Variants in RANBP1 observed in about 807,000 individuals in gnomAD.
RANBP1 encodes the protein ran-specific GTPase-activating protein.
RANBP1 carries 16 observed loss-of-function variants against 31.4 expected under a neutral mutation model. The ratio of observed to expected loss-of-function variants is 0.51; its 90% confidence interval spans 0.34 to 0.77. RANBP1 has a LOEUF of 0.77. Ranked by LOEUF, RANBP1 falls within the 30% of genes least tolerant of loss-of-function variation. The pLI, the probability that RANBP1 is intolerant of heterozygous loss-of-function variation, is 0.01. For missense variants in RANBP1, 265 were observed against 362.0 expected, an observed-to-expected ratio of 0.73 and a Z score of 2.17; for synonymous variants, 129 against 140.5, an observed-to-expected ratio of 0.92 and a Z score of 0.58.
chr22:20,116,254 AC>A lies in RANBP1; in HGVS notation c.71del (p.Thr24SerfsTer42), dbSNP rs1277695045. 1.9e-6 allele frequency: 3 copies of A among 1,612,780 alleles called. No homozygotes were observed. In the African/African-American group the frequency reaches 4.0e-5, roughly 22 times the overall value. ...GRPFQRAPCKTRRALSLSAAL... is the reference protein window; with the variant it reads ...GRPFQRAPCKXRRALSLSAAL... ...GCCTTTCCAGAGGGCACCATGCAAA[AC>A]GCGCAGGGCCTTGTCCCTCTCTGCA... On this transcript the variant is annotated frameshift_variant, in exon 1 of 6. Coordinates refer to ENST00000430524, the MANE Select transcript of RANBP1 (RefSeq NM_001278639.2). LOFTEE classifies it high-confidence loss of function.
rs540044660 is a variant in RANBP1 at position 20,117,440 on chromosome 22, A to T, written c.246+1010A>T. 78 of 1,187,984 alleles carry T rather than the reference A, an allele frequency of 6.6e-5. 2 individuals are homozygous for T. In the South Asian group the frequency reaches 1.5e-3, roughly 23 times the overall value. The allele number at this position is 1,187,984 out of a possible 1,614,324, so 73.6% of individuals were successfully genotyped here. ...GGACAATGAGAGTGTCCGCCTCCTG[A>T]GCCAATAAAGCTGTACTGGTTTTGA... On this transcript the variant is annotated intron_variant, in intron 1 of 5. Coordinates refer to ENST00000430524, the MANE Select transcript of RANBP1 (RefSeq NM_001278639.2).
intron 3 of RANBP1, 128 bp from the exon 4 acceptor site, chr22:20,125,180 C>A: frequency 9.4e-7 from 1 of 1,062,388 alleles, no homozygotes; most frequent in Non-Finnish European, 1.4e-6. Flanking sequence ...GTTCTCCAAC[C>A]CCAGACTGTC....
At chr22:20,122,586 C>G (rs2050196434) in intron 3 of RANBP1, 165 bp downstream of exon 3, 1 of 1,538,826 alleles carries the variant, frequency 6.5e-7, no homozygotes, top group African/African-American at 1.4e-5. Flanking sequence ...TCAGACGTGC[C>G]TCTGAACTCA....
At chr22:20,118,217 G>C (rs1357216795) in intron 1 of RANBP1, 1 of 1,002,402 alleles carries the variant, frequency 1.0e-6, no homozygotes, top group Non-Finnish European at 1.2e-6. Flanking sequence ...CAGTGCTGTG[G>C]GGAACAGTGA....
intron 1 of RANBP1, chr22:20,117,930 C>G: frequency 2.0e-6 from 2 of 1,011,078 alleles, no homozygotes; most frequent in Non-Finnish European, 2.4e-6. Context: ...GGGGAGCGGC[C>G]GTCGCCACGC....
At chr22:20,118,767 G>A (rs2050109585) in intron 1 of RANBP1, among the ~76,000 whole-genome samples, 1 of 152,218 alleles carries the variant, frequency 6.6e-6, no homozygotes, top group Admixed American at 6.5e-5. Context: ...TCTGATTGAT[G>A]TCTGTGAATC....
chr22:20,124,934 C>A, intron 3 of RANBP1: 1 of 305,328 alleles, frequency 3.3e-6, no homozygotes, highest in Non-Finnish European at 6.2e-6. Context: ...TGAGTGCAGC[C>A]CTGGGATACA....
At chr22:20,118,899 C>T in intron 1 of RANBP1, 114 bp from the exon 2 acceptor site, 2 of 1,127,092 alleles carry the variant, frequency 1.8e-6, no homozygotes, top group East Asian at 2.4e-5. Context: ...TGGGCCCATC[C>T]TTGTATCTGA....
At chr22:20,122,211 C>G in intron 2 of RANBP1, 53 bp from the exon 3 acceptor site, 1 of 1,585,396 alleles carries the variant, frequency 6.3e-7, no homozygotes, top group South Asian at 1.1e-5. Context: ...CCTGCGCAGG[C>G]CCTGCATGTG....
intron 1 of RANBP1, chr22:20,116,685 G>C (rs2050033838): frequency 6.7e-7 from 1 of 1,487,748 alleles, no homozygotes; most frequent in Non-Finnish European, 9.0e-7. Context: ...CTTCCTTATG[G>C]GACACCCAGA....
intron 2 of RANBP1, among the ~76,000 whole-genome samples, 160 bp from the exon 3 acceptor site, chr22:20,122,104 C>T (rs577644155): frequency 6.6e-6 from 1 of 152,258 alleles, no homozygotes; most frequent in East Asian, 1.9e-4. Context: ...GCTGCGCTTT[C>T]TGGTGGTGTT....
chr22:20,119,019 CATG>C lies in RANBP1; in HGVS notation c.255_257del (p.His85_Glu86delinsGln). 1 of 1,612,456 alleles carries C rather than the reference CATG, an allele frequency of 6.2e-7. No individual in the cohort carries two copies. The highest frequency in any genetic ancestry group is 8.5e-7 in the Non-Finnish European group (1 of 1,179,856). On this transcript the variant is annotated inframe_deletion, in exon 2 of 6. Transcript: ENST00000430524. Reference sequence around the variant, plus strand: ...CCTCTTTGTATCTCCACAGGACACTCATGAGGACCATGATACTTCCACTGAGAA... The same window carrying C: ...CCTCTTTGTATCTCCACAGGACACTCAGGACCATGATACTTCCACTGAGAA...
At chr22:20,116,968 T>G in intron 1 of RANBP1, 1 of 1,558,094 alleles carries the variant, frequency 6.4e-7, no homozygotes, top group South Asian at 1.2e-5. Flanking sequence ...CACCTCGTCC[T>G]GGGCCTGTCA....
rs2050115081 is a variant in RANBP1 at position 20,118,942 on chromosome 22, A to G, written c.247-71A>G. 2.0e-6 allele frequency: 3 copies of G among 1,491,858 alleles called. No individual in the cohort carries two copies. The East Asian group carries it at 6.8e-5, about 34-fold the overall frequency. The allele number at this position is 1,491,858 out of a possible 1,614,324, so 92.4% of individuals were successfully genotyped here. ...TCATTGTCGGAGGGCTGACCACTGC[A>G]GGCACTGGTTGGGCTCTGGTTGTGA... On this transcript the variant is annotated intron_variant, in intron 1 of 5. Transcript: ENST00000430524.
chr22:20,119,701 G>A (rs999095161), intron 2 of RANBP1, among the ~76,000 whole-genome samples: 1 of 152,124 alleles, frequency 6.6e-6, no homozygotes, highest in African/African-American at 2.4e-5. Context: ...ATTTTTAGTA[G>A]AGACGGAGTT....
At chr22:20,122,530 C>T in intron 3 of RANBP1, 109 bp downstream of exon 3, 1 of 1,581,886 alleles carries the variant, frequency 6.3e-7, no homozygotes, top group Non-Finnish European at 8.6e-7. Context: ...TCATGGAGTG[C>T]AAGTTTGTGG....
At chr22:20,117,016 G>C in intron 1 of RANBP1, 2 of 1,417,776 alleles carry the variant, frequency 1.4e-6, no homozygotes, top group Non-Finnish European at 1.9e-6. Flanking sequence ...GTGCTCAGAG[G>C]GGAGGTGCTC....
chr22:20,122,431 A>G lies in RANBP1; in HGVS notation c.541+10A>G, dbSNP rs756800834. 1 of 1,611,396 alleles carries G rather than the reference A, an allele frequency of 6.2e-7. No homozygotes were observed. The highest frequency in any genetic ancestry group is 1.3e-5 in the African/African-American group (1 of 75,034). ...TGTGCCAACCACTACAGTAGGTGGC[A>G]TGAACGACCACCTCGACAGTCCCCA... On this transcript the variant is annotated intron_variant, in intron 3 of 5. Transcript: ENST00000430524.
At chr22:20,117,065 C>T (rs930088092) in intron 1 of RANBP1, 5 of 944,078 alleles carry the variant, frequency 5.3e-6, no homozygotes, top group African/African-American at 1.6e-5. Flanking sequence ...CCGCCACCCC[C>T]GGCTTCGCCC....
Sources: allele counts gnomAD v4.1 joint callset (sites outside exome capture counted in the v4.1 genomes callset), GRCh38; gene constraint gnomAD v4.1.1; transcripts MANE v1.5; gene names NCBI Gene and HGNC (gene_info 2026-07-23, HGNC 2026-07-21).